The following MAGI2 variants were observed in gnomAD, a reference collection of about 807,000 sequenced individuals.
The protein encoded by MAGI2 is membrane-associated guanylate kinase, WW and PDZ domain-containing protein 2.
Under a neutral mutation model 133.3 loss-of-function variants are expected in MAGI2, and 35 were observed. The ratio of observed to expected loss-of-function variants is 0.26; its 90% CI spans 0.20 to 0.35. The LOEUF is 0.35. Ranked by LOEUF, MAGI2 falls within the 10% of genes least tolerant of loss-of-function variation. The probability of loss-of-function intolerance (pLI) is 1.00; values close to 1 mark genes in which losing one functional copy is unlikely to be tolerated. For missense variants in MAGI2, 1,636 were observed against 1,863.4 expected, an observed-to-expected ratio of 0.88 and a Z score of 2.25; for synonymous variants, 729 against 710.6, an observed-to-expected ratio of 1.03 and a Z score of -0.41.
intron 1 of MAGI2, among the ~76,000 whole-genome samples, chr7:79,037,945 G>A (rs1035785497): frequency 1.3e-5 from 2 of 152,104 alleles, no homozygotes; most frequent in African/African-American, 4.8e-5. Flanking sequence ...GCAGTCTTGT[G>A]GATAAATCTA....
chr7:79,351,843 C>T (rs1457465345), intron 1 of MAGI2: 1 of 152,176 alleles, frequency 6.6e-6, no homozygotes, highest in Non-Finnish European at 1.5e-5. Flanking sequence ...AAGTGCCAGG[C>T]ATTGTGGTGA....
intron 2 of MAGI2, among the ~76,000 whole-genome samples, chr7:78,994,143 AG>A (rs1554325460): frequency 6.6e-6 from 1 of 152,052 alleles, no homozygotes; most frequent in Non-Finnish European, 1.5e-5. Flanking sequence ...AGATCTGAGA[AG>A]CTGTCATTAC....
chr7:78,725,265 T>C (rs1820659909), intron 2 of MAGI2, among the ~76,000 whole-genome samples: 1 of 152,096 alleles, frequency 6.6e-6, no homozygotes, highest in Non-Finnish European at 1.5e-5. Context: ...AACTAATAGA[T>C]CGAAAAATGG....
chr7:78,183,391 G>T (rs751609002), intron 13 of MAGI2, among the ~76,000 whole-genome samples: 2 of 150,192 alleles, frequency 1.3e-5, no homozygotes, highest in African/African-American at 2.5e-5. Flanking sequence ...TCAGCTTCCC[G>T]AGTAGCTGGG....
intron 1 of MAGI2, among the ~76,000 whole-genome samples, chr7:79,029,264 T>A (rs1810327066): frequency 6.6e-6 from 1 of 152,172 alleles, no homozygotes; most frequent in African/African-American, 2.4e-5. Context: ...TTTTTAATAT[T>A]TTTAAAATAA....
intron 9 of MAGI2, among the ~76,000 whole-genome samples, chr7:78,300,326 C>CTGAT (rs1341125868): frequency 6.6e-6 from 1 of 152,152 alleles, no homozygotes; most frequent in East Asian, 1.9e-4. Flanking sequence ...ATGTAATCCT[C>CTGAT]TGATTTTATG....
intron 2 of MAGI2, among the ~76,000 whole-genome samples, chr7:78,682,342 T>C (rs571699806): frequency 2.8e-4 from 43 of 152,222 alleles, no homozygotes; most frequent in African/African-American, 8.7e-4. Context: ...TCATCTACAT[T>C]AGGTATTTCT....
chr7:79,451,416 T>C (rs1849238705), intron 1 of MAGI2, among the ~76,000 whole-genome samples: 1 of 152,362 alleles, frequency 6.6e-6, no homozygotes, highest in Middle Eastern at 3.4e-3. Flanking sequence ...CATGAATCTC[T>C]GTATTTGAAC....
intron 10 of MAGI2, among the ~76,000 whole-genome samples, chr7:78,251,026 G>C (rs1483351102): frequency 1.3e-5 from 2 of 152,006 alleles, no homozygotes; most frequent in African/African-American, 4.8e-5. Flanking sequence ...TACAAAAAGA[G>C]TTATATACCA....
intron 1 of MAGI2, among the ~76,000 whole-genome samples, chr7:79,330,381 G>C (rs1402272906): frequency 1.3e-5 from 2 of 151,442 alleles, no homozygotes; most frequent in Admixed American, 1.3e-4. Context: ...ATTTTTAGTA[G>C]AGACGAGATT....
chr7:79,337,280 A>G (rs999592444), intron 1 of MAGI2, among the ~76,000 whole-genome samples: 1 of 152,200 alleles, frequency 6.6e-6, no homozygotes, highest in African/African-American at 2.4e-5. Context: ...TGTGAAATTG[A>G]GCACATTTTA....
chr7:78,876,321 C>CAAAAAAAAA lies in MAGI2; in HGVS notation c.418+130760_418+130768dup, dbSNP rs57950337. 9.2e-3 allele frequency among the ~76,000 whole-genome samples: 735 copies of CAAAAAAAAA among 79,556 alleles called. 31 individuals are homozygous for CAAAAAAAAA. Among genetic ancestry groups the CAAAAAAAAA allele is most frequent in the African/African-American group, 0.023 (516 of 22,472 alleles). 52.2% of individuals were successfully genotyped at this position (79,556 alleles called of 152,430 possible). A position where few individuals can be genotyped will look rare whatever the true frequency, so the allele number is the denominator to read the frequency against. On this transcript the variant is annotated intron_variant, in intron 2 of 21. Coordinates refer to ENST00000354212, the MANE Select transcript of MAGI2 (RefSeq NM_012301.4). ...CGGGTGACAGAGCAAGACTCCGTCT[C>CAAAAAAAAA]AAAAAAAAAAAAAAAAAAAAATTGG...
chr7:79,202,767 GT>G (rs1327866165), intron 1 of MAGI2, among the ~76,000 whole-genome samples: 1 of 151,866 alleles, frequency 6.6e-6, no homozygotes, highest in Non-Finnish European at 1.5e-5. Context: ...CATTCCTGTT[GT>G]AACCAAGTCT....
intron 2 of MAGI2, among the ~76,000 whole-genome samples, chr7:78,882,937 G>T (rs1795989608): frequency 6.6e-6 from 1 of 151,918 alleles, no homozygotes; most frequent in Admixed American, 6.6e-5. Flanking sequence ...ACTCCCTTAA[G>T]AATAGAAAGA....
chr7:78,268,861 G>A (rs1372834998), intron 9 of MAGI2, among the ~76,000 whole-genome samples: 3 of 152,082 alleles, frequency 2.0e-5, no homozygotes, highest in African/African-American at 4.8e-5. Flanking sequence ...AGGTATACAC[G>A]TGCCATGGTG....
At position 78,366,979 on chromosome 7, in the gene MAGI2, C is replaced by T. The variant is rs540730699; in HGVS notation, c.1103+2177G>A. ...TCACTTAAAATCTAAAACTATTAAA[C>T]ATGTCAGCCTGATCTAATTATAGAA... On this transcript the variant is annotated intron_variant, in intron 7 of 21. Transcript: ENST00000354212. Among the ~76,000 whole-genome samples the T allele has an allele frequency of 1.1e-4, 16 of 152,226 alleles. 1 individual carries two copies. The South Asian group carries it at 1.7e-3, about 16-fold the overall frequency.
chr7:79,250,449 C>T (rs1207291142), intron 1 of MAGI2, among the ~76,000 whole-genome samples: 5 of 150,042 alleles, frequency 3.3e-5, no homozygotes, highest in Middle Eastern at 3.5e-3. Flanking sequence ...TTGTATATAA[C>T]AAAAGCGAAC....
chr7:78,258,131 T>C (rs977411285), intron 9 of MAGI2, among the ~76,000 whole-genome samples: 2 of 152,214 alleles, frequency 1.3e-5, no homozygotes, highest in Non-Finnish European at 2.9e-5. Context: ...ATGTGATTGG[T>C]CAGATGGAAC....
chr7:79,051,209 T>A (rs1562833546), intron 1 of MAGI2, among the ~76,000 whole-genome samples: 1 of 152,126 alleles, frequency 6.6e-6, no homozygotes, highest in Non-Finnish European at 1.5e-5. Context: ...TAGGGGAAAA[T>A]CCTATTTTCT....
Sources: gnomAD v4.1 joint callset for allele counts (sites outside exome capture counted in the v4.1 genomes callset) on GRCh38, gnomAD v4.1.1 for gene constraint, MANE v1.5 for transcripts, NCBI Gene and HGNC (gene_info 2026-07-23, HGNC 2026-07-21) for gene names.